The following PRKD2 variants were observed in gnomAD, a reference collection of about 807,000 sequenced individuals.
PRKD2 encodes the protein serine/threonine-protein kinase D2.
A neutral mutation model predicts 86.0 loss-of-function variants in PRKD2; 22 were observed. The observed-to-expected ratio is 0.26, with a 90% CI of 0.18 to 0.37. The LOEUF (loss-of-function observed/expected upper bound fraction) is 0.37. Ranked by LOEUF, PRKD2 falls within the 10% of genes least tolerant of loss-of-function variation. The pLI is 1.00. For missense variants in PRKD2, 818 were observed against 1,199.2 expected (o/e 0.68, Z 4.70); for synonymous variants, 509 against 510.9 (o/e 1.00, Z 0.05).
chr19:46,700,937 T>G lies in PRKD2; in HGVS notation c.983A>C (p.Glu328Ala). ...GTCAGCCTCGCTGAAATCGGTGGCC[T>G]CCTCCATCGGCACATCTGTGGGGAC... ...ALINGDVPME[E>A]ATDFSEADKS... The change falls in exon 7 of 18, where the codon GAG becomes GCG. Residue 328 changes from glutamate (E) to alanine (A), a missense_variant. Glu to Ala is a moderately radical substitution (Grantham distance 107). Around this residue, in one of 5 missense-constraint regions of PRKD2, gnomAD observed 403 missense variants for 518.6 expected, o/e 0.78. Coordinates refer to ENST00000291281, the MANE Select transcript of PRKD2 (RefSeq NM_016457.5). 1 of 1,614,212 alleles carries G rather than the reference T, an allele frequency of 6.2e-7. No homozygotes were observed. The highest frequency in any genetic ancestry group is 8.5e-7 in the Non-Finnish European group (1 of 1,180,032).
At chr19:46,715,342 T>G (rs4803995) in intron 1 of PRKD2, among the ~76,000 whole-genome samples, 9,006 of 152,290 alleles carry the variant, frequency 0.059, 380 homozygotes, top group East Asian at 0.21. Flanking sequence ...AAACCTAGAA[T>G]TCTAATATTT....
At chr19:46,702,633 C>A (rs1302112424) in intron 5 of PRKD2, among the ~76,000 whole-genome samples, 1 of 151,828 alleles carries the variant, frequency 6.6e-6, no homozygotes, top group Non-Finnish European at 1.5e-5. Flanking sequence ...CCAGTAAATT[C>A]TTGAATTGGA....
At chr19:46,710,729 T>A in intron 3 of PRKD2, 178 bp downstream of exon 3, 8 of 665,246 alleles carry the variant, frequency 1.2e-5, no homozygotes, top group Admixed American at 3.5e-5. Context: ...GCCCCACCAC[T>A]CCTTCCCCAA....
rs1220032228 is a variant in PRKD2 at position 46,688,315 on chromosome 19, A to T, written c.1971+1222T>A. ...ACCATGCCTGACTCCCCTTTTTTCT[A>T]GATGAGTCAAGTCAGGTCCAGGGAG... is the stretch of plus-strand genomic sequence containing the variant. On this transcript the variant is annotated intron_variant, in intron 14 of 17. Coordinates refer to ENST00000291281, the MANE Select transcript of PRKD2 (RefSeq NM_016457.5). Among the ~76,000 whole-genome samples, 5 of 152,046 alleles carry T rather than the reference A, an allele frequency of 3.3e-5. No individual in the cohort carries two copies. In the East Asian group the frequency reaches 9.7e-4, roughly 29 times the overall value.
At chr19:46,705,623 C>T (rs573633202) in intron 3 of PRKD2, among the ~76,000 whole-genome samples, 2 of 152,112 alleles carry the variant, frequency 1.3e-5, no homozygotes, top group East Asian at 3.9e-4. Context: ...CCCATCTCTA[C>T]TAAAAATACA....
At chr19:46,684,264 C>G (rs938305446) in intron 14 of PRKD2, among the ~76,000 whole-genome samples, 37 of 152,072 alleles carry the variant, frequency 2.4e-4, no homozygotes, top group African/African-American at 8.7e-4. Context: ...CCTGACCAAC[C>G]TCCTCATTCT....
intron 5 of PRKD2, among the ~76,000 whole-genome samples, chr19:46,703,156 G>A (rs1050265107): frequency 3.9e-5 from 6 of 152,176 alleles, no homozygotes; most frequent in Admixed American, 3.9e-4. Flanking sequence ...CTCATGCTCT[G>A]AGAGTCTATA....
At position 46,682,045 on chromosome 19, in the gene PRKD2, C is replaced by T. The variant is rs971348409; in HGVS notation, c.1972-297G>A. On this transcript the variant is annotated intron_variant, in intron 14 of 17. Coordinates refer to ENST00000291281, the MANE Select transcript of PRKD2 (RefSeq NM_016457.5). The stretch of plus-strand genomic sequence containing the variant: ...TTTTTGAGGCGGAGTCTCACTCTGT[C>T]GCCTGGGCTGGAGTGCAGTGGCACG... 6.0e-5 allele frequency among the ~76,000 whole-genome samples: 9 copies of T among 148,800 alleles called. No homozygotes were observed. The South Asian group carries it at 1.1e-3, about 18-fold the overall frequency.
chr19:46,678,603 C>G lies in PRKD2; in HGVS notation c.2131G>C (p.Val711Leu), dbSNP rs1328477526. Residue 711 changes from valine to leucine, a missense_variant, in exon 16 of 18, where the codon GTG becomes CTG. Coordinates refer to ENST00000291281, the MANE Select transcript of PRKD2 (RefSeq NM_016457.5). This position sits in a 1 kb window ranked among gnomAD's most constrained non-coding sequence, Gnocchi z 5.7. The stretch of plus-strand genomic sequence containing the variant: ...GCCAGGTAGGCCGGCGTGCCCACCA[C>G]TGAGCGGCGGAACGACTTCTCGCCG... ...IIGEKSFRRS[V>L]VGTPAYLAPE... is the part of the protein sequence containing the mutation. 2.5e-6 allele frequency: 4 copies of G among 1,613,122 alleles called. No homozygotes were observed. The highest frequency in any genetic ancestry group is 3.4e-6 in the Non-Finnish European group (4 of 1,180,036).
At position 46,690,690 on chromosome 19, in the gene PRKD2, T is replaced by C. The variant is rs756101740; in HGVS notation, c.1719A>G (p.Thr573=). ...GVVYGGKHRK[T]GRDVAVKVID... is the part of the protein sequence containing the mutation. ...TGACCTTAACTGCCACGTCCCGGCC[T>C]GTCTTCCGGTGTTTTCCTGCACAGG... The change falls in exon 13 of 18, where the codon ACA becomes ACG. Residue 573 remains threonine, a synonymous_variant. Coordinates refer to ENST00000291281, the MANE Select transcript of PRKD2 (RefSeq NM_016457.5). The C allele has an allele frequency of 6.2e-7, 1 of 1,614,088 alleles. No homozygotes were observed. The highest frequency in any genetic ancestry group is 2.2e-5 in the East Asian group (1 of 44,866).
rs1342751346 is a variant in PRKD2 at position 46,713,973 on chromosome 19, T to G, written c.269A>C (p.Tyr90Ser). The G allele has an allele frequency of 6.2e-7, 1 of 1,613,144 alleles. No homozygotes were observed. The highest frequency in any genetic ancestry group is 8.5e-7 in the Non-Finnish European group (1 of 1,179,748). ...KFPECGFYGLYDKILLFKHDP... is the reference protein window; with the variant it reads ...KFPECGFYGLSDKILLFKHDP... ...ATGTTTGAAAAGCAGGATCTTGTCG[T>G]AAAGGCCGTAGAAGCCACACTCAGG... Residue 90 changes from tyrosine (Y) to serine (S), a missense_variant, in exon 2 of 18, where the codon TAC becomes TCC. By Grantham distance (144) the Tyr-to-Ser change is moderately radical (BLOSUM62 -2). Coordinates refer to ENST00000291281, the MANE Select transcript of PRKD2 (RefSeq NM_016457.5).
chr19:46,711,680 A>G (rs1310554702), intron 2 of PRKD2, among the ~76,000 whole-genome samples: 1 of 152,184 alleles, frequency 6.6e-6, no homozygotes, highest in African/African-American at 2.4e-5. Flanking sequence ...GGCGTGAGCC[A>G]CTGCACCCGG....
Position 46,701,643 on chromosome 19 carries a change from C to T in PRKD2, c.890-531G>A, listed in dbSNP as rs185304211. 2.7e-3 allele frequency among the ~76,000 whole-genome samples: 396 copies of T among 148,648 alleles called. 1 individual carries two copies. Among genetic ancestry groups the T allele is most frequent in the African/African-American group, 8.5e-3 (341 of 40,174 alleles). ...TGCTGGGATTACAGGCGTGAGCCAC[C>T]GCGCCCGACTTGTGTGTGTGTGTGT... is the stretch of plus-strand genomic sequence containing the variant. On this transcript the variant is annotated intron_variant, in intron 5 of 17. Transcript: ENST00000291281.
At chr19:46,685,072 A>G (rs886463187) in intron 14 of PRKD2, among the ~76,000 whole-genome samples, 3 of 151,598 alleles carry the variant, frequency 2.0e-5, no homozygotes, top group Admixed American at 6.6e-5. Context: ...TAGCCTGGCC[A>G]ACATAGTGAA....
At chr19:46,682,028 G>A (rs2053315594) in intron 14 of PRKD2, among the ~76,000 whole-genome samples, 1 of 150,100 alleles carries the variant, frequency 6.7e-6, no homozygotes, top group Non-Finnish European at 1.5e-5. Flanking sequence ...TCTTTTTGAG[G>A]CGGAGTCTCA....
In PRKD2 at chr19:46,693,972, C is replaced by T; in HGVS notation, c.1479G>A (p.Gly493=). 6.2e-7 allele frequency: 1 copy of T among 1,613,048 alleles called. No individual in the cohort carries two copies. Among genetic ancestry groups the T allele is most frequent in the South Asian group, 1.1e-5 (1 of 91,082 alleles). Residue 493 remains glycine, a synonymous_variant, in exon 10 of 18, where the codon GGG becomes GGA. Coordinates refer to ENST00000291281, the MANE Select transcript of PRKD2 (RefSeq NM_016457.5). The surrounding 1 kb of genome is among the most constrained non-coding windows in gnomAD (Gnocchi z 4.5). Reference sequence around the variant, plus strand: ...TCTCCCAGCCCCGGGCGGCCTCAGCCCCCTGCCCACTTGGCCCACCCGGAG... The same window carrying T: ...TCTCCCAGCCCCGGGCGGCCTCAGCTCCCTGCCCACTTGGCCCACCCGGAG... The part of the protein sequence containing the change: ...GGTPGGPSGQ[G]AEAARGWETA...
At chr19:46,688,208 T>C (rs1229544714) in intron 14 of PRKD2, among the ~76,000 whole-genome samples, 1 of 151,892 alleles carries the variant, frequency 6.6e-6, no homozygotes, top group Non-Finnish European at 1.5e-5. Context: ...CTTGCTATGT[T>C]GCCCAGGCTG....
Position 46,704,353 on chromosome 19 carries a change from C to G in PRKD2, c.705G>C (p.Pro235=), listed in dbSNP as rs200736783. ...AGGCAGAAGAGGAGGAAGAGGATGA[C>G]GGGGGACGGCGAGGCAGGAGTTCGG... ...STTELLPRRP[P]SSSSSSSASS... is the part of the protein sequence containing the mutation. Residue 235 remains proline (P), a synonymous_variant, in exon 5 of 18, where the codon CCG becomes CCC. Coordinates refer to ENST00000291281, the MANE Select transcript of PRKD2 (RefSeq NM_016457.5). 2 of 1,613,972 alleles carry G rather than the reference C, an allele frequency of 1.2e-6. No individual in the cohort carries two copies. Among genetic ancestry groups the G allele is most frequent in the African/African-American group, 2.7e-5 (2 of 74,932 alleles).
chr19:46,714,433 G>C (rs1416827589), intron 1 of PRKD2: 1 of 442,756 alleles, frequency 2.3e-6, no homozygotes, highest in African/African-American at 2.1e-5. Flanking sequence ...CAGCACTGGG[G>C]TGGGGCGAGC....
Sources: allele counts gnomAD v4.1 joint callset (sites outside exome capture counted in the v4.1 genomes callset), GRCh38; gene constraint gnomAD v4.1.1; regional missense constraint gnomAD v4.1.1; non-coding constraint Gnocchi (gnomAD v3.1); transcripts MANE v1.5; gene names NCBI Gene and HGNC (gene_info 2026-07-23, HGNC 2026-07-21).